ZC3H7B: variants seen among roughly 807,000 people sequenced by gnomAD.
ZC3H7B encodes zinc finger CCCH-type containing 7B, also known as zinc finger CCCH domain-containing protein 7B.
A neutral mutation model predicts 116.0 loss-of-function variants in ZC3H7B; 35 were observed. That is an observed-to-expected ratio of 0.30 (90% CI 0.23 to 0.40). The LOEUF (loss-of-function observed/expected upper bound fraction) is 0.40. Ranked by LOEUF, ZC3H7B falls within the 10% of genes least tolerant of loss-of-function variation. The pLI is 1.00. For synonymous variants in ZC3H7B, 502 were observed against 545.6 expected, an observed-to-expected ratio of 0.92 and a Z score of 1.11; for missense variants, 1,011 against 1,321.5, an observed-to-expected ratio of 0.77 and a Z score of 3.64.
rs376800736 is a variant in ZC3H7B, at chr22:41,357,376, G to A, written c.2881G>A (p.Gly961Ser). The A allele has an allele frequency of 1.7e-5, 28 of 1,613,126 alleles. No individual in the cohort carries two copies. Among genetic ancestry groups the A allele is most frequent in the South Asian group, 2.2e-5 (2 of 91,084 alleles). Residue 961 changes from glycine (G) to serine (S), a missense_variant, in exon 23 of 23, where the codon GGT becomes AGT. This residue lies in a region of ZC3H7B where 406 missense variants were observed against 590.2 expected (regional missense o/e 0.69). Transcript: ENST00000352645. This position sits in a 1 kb window ranked among gnomAD's most constrained non-coding sequence, Gnocchi z 5.4. ...GCTGCAAGAGGACGGGGACCTTGCC[G>A]GTGCCACCCCAGAAGCCCCTGCTGC... Reference protein sequence around the residue: ...FLLQEDGDLAGATPEAPAAAA... With the variant: ...FLLQEDGDLASATPEAPAAAA...
Position 41,351,635 on chromosome 22 carries a change from A to C in ZC3H7B, c.2023A>C (p.Ser675Arg), listed in dbSNP as rs1391212492. 1 of 1,613,560 alleles carries C rather than the reference A, an allele frequency of 6.2e-7. No homozygotes were observed. The highest frequency in any genetic ancestry group is 1.7e-5 in the Admixed American group (1 of 59,986). The change falls in exon 17 of 23, where the codon AGC (serine) becomes CGC (arginine). Residue 675 changes from serine (S) to arginine (R), a missense_variant. Transcript: ENST00000352645. This position sits in a 1 kb window ranked among gnomAD's most constrained non-coding sequence, Gnocchi z 5.1. ...QQMEAHAGKA[S>R]SSMGAPRTHG... ...GATGGAGGCGCATGCGGGGAAGGCC[A>C]GCAGCAGCATGGTAAGGCCTTCTGA...
intron 2 of ZC3H7B, among the ~76,000 whole-genome samples, chr22:41,322,057 T>A (rs1379188015): frequency 6.6e-6 from 1 of 151,008 alleles, no homozygotes; most frequent in African/African-American, 2.4e-5. Context: ...GCTGGGATGG[T>A]CTCGATCTCC....
Position 41,338,168 on chromosome 22 carries a change from G to C in ZC3H7B, c.583-145G>C. 1.3e-6 allele frequency: 1 copy of C among 797,910 alleles called. No individual in the cohort carries two copies. Among genetic ancestry groups the C allele is most frequent in the South Asian group, 1.8e-5 (1 of 55,668 alleles). 49.4% of individuals were successfully genotyped at this position (797,910 alleles called of 1,614,324 possible). On this transcript the variant is annotated intron_variant, in intron 7 of 22. Transcript: ENST00000352645. This position sits in a 1 kb window ranked among gnomAD's most constrained non-coding sequence, Gnocchi z 4.5. ...TAGGCATAAGCCACCACGCCTGGCCGCATGTGAGGGCTTTAATCTCCCCTG... is the reference window on the plus strand; with the variant it reads ...TAGGCATAAGCCACCACGCCTGGCCCCATGTGAGGGCTTTAATCTCCCCTG...
In ZC3H7B at chr22:41,319,218, G is replaced by A. The variant is rs149984841; in HGVS notation, c.-6-1437G>A. ...CGATCGAGACCATCCTGGCTAACAC[G>A]GTGAAACCCCCTCTCTACTAAAAAT... is the stretch of plus-strand genomic sequence containing the variant. On this transcript the variant is annotated intron_variant, in intron 1 of 22. Transcript: ENST00000352645. Among the ~76,000 whole-genome samples, 31 of 152,130 alleles carry A rather than the reference G, an allele frequency of 2.0e-4. No homozygotes were observed. The East Asian group carries it at 3.5e-3, about 17-fold the overall frequency.
In ZC3H7B at chr22:41,339,919, G is replaced by A; in HGVS notation, c.920G>A (p.Gly307Asp). The A allele has an allele frequency of 1.2e-6, 2 of 1,613,704 alleles. No homozygotes were observed. Among genetic ancestry groups the A allele is most frequent in the Non-Finnish European group, 8.5e-7 (1 of 1,180,004 alleles). ...GGTPLLPPVVGGSIPVSSPLP... is the reference protein window; with the variant it reads ...GGTPLLPPVVDGSIPVSSPLP... ...ACCCCACTGCTACCACCTGTGGTGG[G>A]TGGCTCCATCCCTGTCTCCAGCCCA... Residue 307 changes from glycine to aspartate, a missense_variant, in exon 10 of 23, where the codon GGT becomes GAT. Gly to Asp is a moderately conservative substitution (Grantham distance 94, BLOSUM62 -1). Around this residue, in one of 5 missense-constraint regions of ZC3H7B, gnomAD observed 322 missense variants for 443.9 expected, o/e 0.73. Transcript: ENST00000352645.
intron 11 of ZC3H7B, 104 bp from the exon 12 acceptor site, chr22:41,342,425 G>A (rs1287045719): frequency 1.9e-6 from 2 of 1,056,928 alleles, no homozygotes; most frequent in South Asian, 1.3e-5. Context: ...TCTTGGGTAG[G>A]ATAGGGGGGT....
At position 41,337,540 on chromosome 22, in the gene ZC3H7B, T is replaced by G. The variant is rs529474974; in HGVS notation, c.583-773T>G. Among the ~76,000 whole-genome samples, 320 of 152,282 alleles carry G rather than the reference T, an allele frequency of 2.1e-3. 2 individuals carry two copies. Among genetic ancestry groups the G allele is most frequent in the Middle Eastern group, 6.8e-3 (2 of 294 alleles). On this transcript the variant is annotated intron_variant, in intron 7 of 22. Coordinates refer to ENST00000352645, the MANE Select transcript of ZC3H7B (RefSeq NM_017590.6). ...GAAGGCAGTGGGATCCCACCTGGGTTTATGCCCTTCTCTGCTTCCTGGGGG... is the reference window on the plus strand; with the variant it reads ...GAAGGCAGTGGGATCCCACCTGGGTGTATGCCCTTCTCTGCTTCCTGGGGG...
intron 4 of ZC3H7B, among the ~76,000 whole-genome samples, chr22:41,326,387 C>G (rs1189566078): frequency 6.6e-6 from 1 of 151,198 alleles, no homozygotes; most frequent in Admixed American, 6.6e-5. Flanking sequence ...CTGTTTCTTC[C>G]GTAGCCTCCT....
At chr22:41,340,179 T>G (rs750770749) in intron 10 of ZC3H7B, 42 bp downstream of exon 10, 2 of 1,547,732 alleles carry the variant, frequency 1.3e-6, no homozygotes, top group South Asian at 2.4e-5. Flanking sequence ...CTGGACAGGT[T>G]GCACAGTGCT....
At chr22:41,343,616 C>A in intron 13 of ZC3H7B, 40 bp downstream of exon 13, 1 of 1,531,926 alleles carries the variant, frequency 6.5e-7, no homozygotes, top group Non-Finnish European at 8.8e-7. Context: ...CAGCTGGGGC[C>A]CAGCCCCTCC....
chr22:41,305,951 A>G (rs2145892890), intron 1 of ZC3H7B, among the ~76,000 whole-genome samples: 1 of 152,298 alleles, frequency 6.6e-6, no homozygotes, highest in East Asian at 1.9e-4. Context: ...AGGAAGGTTT[A>G]TTTTGCCCAA....
Position 41,338,169 on chromosome 22 carries a change from C to A in ZC3H7B, c.583-144C>A, listed in dbSNP as rs894764099. The A allele has an allele frequency of 8.6e-6, 7 of 812,030 alleles. No homozygotes were observed. The African/African-American group carries it at 1.0e-4, about 12-fold the overall frequency. 50.3% of individuals were successfully genotyped at this position (812,030 alleles called of 1,614,324 possible). A position where few individuals can be genotyped will look rare whatever the true frequency, so the allele number is the denominator to read the frequency against. On this transcript the variant is annotated intron_variant, in intron 7 of 22. Transcript: ENST00000352645. The surrounding 1 kb of genome is among the most constrained non-coding windows in gnomAD (Gnocchi z 4.5). ...AGGCATAAGCCACCACGCCTGGCCG[C>A]ATGTGAGGGCTTTAATCTCCCCTGG...
chr22:41,304,985 G>A (rs1345059753), intron 1 of ZC3H7B, among the ~76,000 whole-genome samples: 1 of 152,166 alleles, frequency 6.6e-6, no homozygotes, highest in Non-Finnish European at 1.5e-5. Context: ...GCCAAGGCGA[G>A]CTGATCACTT....
At chr22:41,347,959 G>C (rs1444467056) in intron 14 of ZC3H7B, 108 bp from the exon 15 acceptor site, 1 of 900,268 alleles carries the variant, frequency 1.1e-6, no homozygotes, top group Non-Finnish European at 1.8e-6. Flanking sequence ...ACCCAGGGCA[G>C]GGCTTGCAGG....
Position 41,351,781 on chromosome 22 carries a change from G to A in ZC3H7B, c.2034+135G>A, listed in dbSNP as rs893267742. ...TCGAATAAGTTATGAAAGTAACTTG[G>A]ATAATGTACACATTCAGCTGTTGTG... is the stretch of plus-strand genomic sequence containing the variant. On this transcript the variant is annotated intron_variant, in intron 17 of 22. Coordinates refer to ENST00000352645, the MANE Select transcript of ZC3H7B (RefSeq NM_017590.6). The surrounding 1 kb of genome is among the most constrained non-coding windows in gnomAD (Gnocchi z 5.1). The A allele has an allele frequency of 4.0e-6, 3 of 745,676 alleles. No homozygotes were observed. Among genetic ancestry groups the A allele is most frequent in the Non-Finnish European group, 4.4e-6 (2 of 453,740 alleles). The allele number at this position is 745,676 out of a possible 1,614,324, so 46.2% of individuals were successfully genotyped here.
At chr22:41,353,793 C>G (rs2036681629) in intron 17 of ZC3H7B, among the ~76,000 whole-genome samples, 1 of 152,174 alleles carries the variant, frequency 6.6e-6, no homozygotes, top group African/African-American at 2.4e-5. Flanking sequence ...GTTCCTGGTC[C>G]TCTTCTCTTT....
Position 41,346,276 on chromosome 22 carries a change from C to A in ZC3H7B, c.1665+68C>A. 1.9e-6 allele frequency: 3 copies of A among 1,542,736 alleles called. No individual in the cohort carries two copies. The highest frequency in any genetic ancestry group is 2.6e-6 in the Non-Finnish European group (3 of 1,141,136). On this transcript the variant is annotated intron_variant, in intron 14 of 22. Coordinates refer to ENST00000352645, the MANE Select transcript of ZC3H7B (RefSeq NM_017590.6). This position sits in a 1 kb window ranked among gnomAD's most constrained non-coding sequence, Gnocchi z 5.3. ...AGACAGGGCTGGGGATGCTCCCTGG[C>A]ACGGACCACCATAGGAAGTCAGCCC...
chr22:41,325,078 T>A (rs372803882), intron 2 of ZC3H7B, among the ~76,000 whole-genome samples: 1 of 152,138 alleles, frequency 6.6e-6, no homozygotes, highest in African/African-American at 2.4e-5. Context: ...CTTCCCCTCA[T>A]GTAACTGAGA....
chr22:41,314,449 G>A (rs917864237), intron 1 of ZC3H7B, among the ~76,000 whole-genome samples: 3 of 151,672 alleles, frequency 2.0e-5, no homozygotes, highest in Non-Finnish European at 4.4e-5. Context: ...GAGCCACTGC[G>A]CCCAACCTAT....
Sources: gnomAD v4.1 joint callset for allele counts (sites outside exome capture counted in the v4.1 genomes callset) on GRCh38, gnomAD v4.1.1 for gene constraint, gnomAD v4.1.1 regional missense constraint, Gnocchi (gnomAD v3.1) non-coding constraint, MANE v1.5 for transcripts, NCBI Gene and HGNC (gene_info 2026-07-23, HGNC 2026-07-21) for gene names.